Variants in LHX6 observed in about 807,000 individuals in gnomAD.
The protein encoded by LHX6 is LIM homeobox 6, also known as LIM/homeobox protein Lhx6.
A neutral mutation model predicts 47.1 loss-of-function variants in LHX6; 15 were observed. The observed-to-expected ratio is 0.32, with a 90% CI of 0.21 to 0.49. The LOEUF (loss-of-function observed/expected upper bound fraction) is 0.49. Ranked by LOEUF, LHX6 falls within the 20% of genes least tolerant of loss-of-function variation. The pLI is 0.99. For synonymous variants in LHX6, 242 were observed against 233.5 expected (o/e 1.04, Z -0.33); for missense variants, 404 against 539.6 (o/e 0.75, Z 2.49).
intron 5 of LHX6, among the ~76,000 whole-genome samples, chr9:122,215,820 C>A (rs1204297052): frequency 2.6e-5 from 4 of 152,154 alleles, no homozygotes; most frequent in Non-Finnish European, 5.9e-5. Flanking sequence ...TGACTAGTCT[C>A]CAGGCTGGGA....
chr9:122,224,767 C>A (rs558648269), intron 4 of LHX6, among the ~76,000 whole-genome samples: 1 of 152,158 alleles, frequency 6.6e-6, no homozygotes, highest in African/African-American at 2.4e-5. Context: ...CTCTTGACAC[C>A]CACACATGAA....
chr9:122,216,937 C>T (rs13301816), intron 5 of LHX6, 131 bp downstream of exon 5: 1 of 744,896 alleles, frequency 1.3e-6, no homozygotes, highest in Non-Finnish European at 2.2e-6. Flanking sequence ...CGCCCCACCC[C>T]TACGCTGCCT....
intron 1 of LHX6, chr9:122,227,765 G>C: frequency 2.1e-6 from 1 of 479,464 alleles, no homozygotes. Context: ...CCTCTGAGGG[G>C]GGAAGAAAAA....
chr9:122,217,180 C>T lies in LHX6; in HGVS notation c.570G>A (p.Ser190=). The part of the protein sequence containing the change: ...AYHLACFACF[S]CKRQLSTGEE... ...CACCAGTGGACAGCTGGCGCTTGCACGAGAAGCAGGCGAAGCAGGCCAGGT... is the reference window on the plus strand; with the variant it reads ...CACCAGTGGACAGCTGGCGCTTGCATGAGAAGCAGGCGAAGCAGGCCAGGT... Residue 190 remains serine, a synonymous_variant, in exon 5 of 10, where the codon TCG becomes TCA. Transcript: ENST00000394319. The surrounding 1 kb of genome is among the most constrained non-coding windows in gnomAD (Gnocchi z 4.9). The T allele has an allele frequency of 1.2e-6, 2 of 1,614,222 alleles. No individual in the cohort carries two copies. Among genetic ancestry groups the T allele is most frequent in the Non-Finnish European group, 1.7e-6 (2 of 1,180,030 alleles).
rs1467500441 is a variant in LHX6 at position 122,227,374 on chromosome 9, G to A, written c.156+35C>T. 2.7e-6 allele frequency: 4 copies of A among 1,485,630 alleles called. No homozygotes were observed. In the East Asian group the frequency reaches 1.1e-4, roughly 41 times the overall value. 92.0% of individuals were successfully genotyped at this position (1,485,630 alleles called of 1,614,324 possible). On this transcript the variant is annotated intron_variant, in intron 2 of 9. Transcript: ENST00000394319. ...GGTCCCCAGGGCCGGGCCGCTGGAG[G>A]ACTGGGCACCGCAGGCAGGGCCAAA...
At chr9:122,208,557 C>A (rs1256491061) in intron 9 of LHX6, among the ~76,000 whole-genome samples, 1 of 152,196 alleles carries the variant, frequency 6.6e-6, no homozygotes, top group African/African-American at 2.4e-5. Context: ...TTCGGCCGGG[C>A]ACGGTGGCTC....
At chr9:122,219,847 G>T (rs1318995640) in intron 4 of LHX6, among the ~76,000 whole-genome samples, 1 of 152,238 alleles carries the variant, frequency 6.6e-6, no homozygotes, top group Non-Finnish European at 1.5e-5. Context: ...CTGGAATCCC[G>T]CATGGATGAA....
At chr9:122,227,362 G>T (rs1401006228) in intron 2 of LHX6, 47 bp downstream of exon 2, 4 of 1,460,534 alleles carry the variant, frequency 2.7e-6, no homozygotes, top group Non-Finnish European at 2.7e-6. Flanking sequence ...CCCCAGGGCC[G>T]GGCCGCTGGA....
At chr9:122,207,937 C>T (rs891018861) in intron 9 of LHX6, among the ~76,000 whole-genome samples, 18 of 152,258 alleles carry the variant, frequency 1.2e-4, no homozygotes, top group African/African-American at 2.4e-4. Context: ...ACACCAAGAC[C>T]GGGATCTGCT....
At position 122,214,010 on chromosome 9, in the gene LHX6, C is replaced by T. The variant is rs1248408290; in HGVS notation, c.843G>A (p.Leu281=). ...TCCGGCTGAGGCCCGTCATGTCCGCCAGCTTCTGCAGCGTCTGAGCGTCGG... is the reference window on the plus strand; with the variant it reads ...TCCGGCTGAGGCCCGTCATGTCCGCTAGCTTCTGCAGCGTCTGAGCGTCGG... ...NNPDAQTLQK[L]ADMTGLSRRV... is the part of the protein sequence containing the mutation. Residue 281 remains leucine, a synonymous_variant, in exon 7 of 10, where the codon CTG becomes CTA. Transcript: ENST00000394319. The surrounding 1 kb of genome is among the most constrained non-coding windows in gnomAD (Gnocchi z 4.6). 1 of 1,602,360 alleles carries T rather than the reference C, an allele frequency of 6.2e-7. No individual in the cohort carries two copies. Among genetic ancestry groups the T allele is most frequent in the South Asian group, 1.1e-5 (1 of 91,022 alleles).
Position 122,226,285 on chromosome 9 carries a change from T to C in LHX6, c.461+91A>G. Reference sequence around the variant, plus strand: ...AAGTGCACTCGGGACGCCGGGGTTCTGGAGGAGAGACCACACGCCGCAAAA... The same window carrying C: ...AAGTGCACTCGGGACGCCGGGGTTCCGGAGGAGAGACCACACGCCGCAAAA... On this transcript the variant is annotated intron_variant, in intron 4 of 9. Coordinates refer to ENST00000394319, the MANE Select transcript of LHX6 (RefSeq NM_014368.5). The surrounding 1 kb of genome is among the most constrained non-coding windows in gnomAD (Gnocchi z 6.5). 6.7e-7 allele frequency: 1 copy of C among 1,484,580 alleles called. No homozygotes were observed. The highest frequency in any genetic ancestry group is 9.0e-7 in the Non-Finnish European group (1 of 1,107,728). 92.0% of individuals were successfully genotyped at this position (1,484,580 alleles called of 1,614,324 possible). A position where few individuals can be genotyped will look rare whatever the true frequency, so the allele number is the denominator to read the frequency against.
intron 1 of LHX6, 161 bp downstream of exon 1, chr9:122,228,496 C>CG (rs943285978): frequency 9.6e-5 from 136 of 1,420,506 alleles, no homozygotes; most frequent in Admixed American, 6.0e-5. Context: ...ACCCCCCCCC[C>CG]CCGCTCGCGC....
Position 122,202,730 on chromosome 9 carries a change from C to G in LHX6, c.*2030G>C, listed in dbSNP as rs1830035730. On this transcript the variant is annotated 3_prime_UTR_variant, in exon 10 of 10. Coordinates refer to ENST00000394319, the MANE Select transcript of LHX6 (RefSeq NM_014368.5). Reference sequence around the variant, plus strand: ...TTTTTTTTCCGTGTGTGTGTTTTCCCCTTTTTTTGTATTTAAATAAATAGT... The same window carrying G: ...TTTTTTTTCCGTGTGTGTGTTTTCCGCTTTTTTTGTATTTAAATAAATAGT... 1.3e-5 allele frequency: 2 copies of G among 152,544 alleles called. 1 individual carries two copies. The highest frequency in any genetic ancestry group is 4.1e-4 in the South Asian group (2 of 4,822). 9.4% of individuals were successfully genotyped at this position (152,544 alleles called of 1,614,324 possible).
intron 2 of LHX6, 25 bp downstream of exon 2, chr9:122,227,384 C>T (rs1446345342): frequency 1.3e-6 from 2 of 1,500,230 alleles, no homozygotes; most frequent in Admixed American, 2.2e-5. Flanking sequence ...GACTGGGCAC[C>T]GCAGGCAGGG....
intron 5 of LHX6, among the ~76,000 whole-genome samples, chr9:122,215,202 C>A (rs938840123): frequency 2.7e-4 from 41 of 152,072 alleles, no homozygotes; most frequent in African/African-American, 9.9e-4. Flanking sequence ...TTTATTGTAA[C>A]TTTTTAATTA....
Position 122,214,531 on chromosome 9 carries a change from T to A in LHX6, c.683-148A>T. On this transcript the variant is annotated intron_variant, in intron 5 of 9. Coordinates refer to ENST00000394319, the MANE Select transcript of LHX6 (RefSeq NM_014368.5). The surrounding 1 kb of genome is among the most constrained non-coding windows in gnomAD (Gnocchi z 4.6). ...GATCCCAGGGTCCTAGTCCCTGAGCTCAGTCTTTGGGGAAGGGGTTTCTGA... is the reference window on the plus strand; with the variant it reads ...GATCCCAGGGTCCTAGTCCCTGAGCACAGTCTTTGGGGAAGGGGTTTCTGA... 8.5e-7 allele frequency: 1 copy of A among 1,183,138 alleles called. No individual in the cohort carries two copies. Among genetic ancestry groups the A allele is most frequent in the Non-Finnish European group, 1.1e-6 (1 of 893,728 alleles). The allele number at this position is 1,183,138 out of a possible 1,614,324, so 73.3% of individuals were successfully genotyped here.
At position 122,208,442 on chromosome 9, in the gene LHX6, C is replaced by A. The variant is rs75059917; in HGVS notation, c.1158+1172G>T. Among the ~76,000 whole-genome samples the A allele has an allele frequency of 1.9e-3, 297 of 152,330 alleles. 1 individual carries two copies. Among genetic ancestry groups the A allele is most frequent in the African/African-American group, 6.8e-3 (283 of 41,570 alleles). On this transcript the variant is annotated intron_variant, in intron 9 of 9. Coordinates refer to ENST00000394319, the MANE Select transcript of LHX6 (RefSeq NM_014368.5). ...GGCCTCCTCAAGGGTAGGGACCACA[C>A]TTTACTTGTTTCCACTCCTAGCAAC...
rs1263246594 is a variant in LHX6 at position 122,227,424 on chromosome 9, G to C, written c.141C>G (p.Thr47=). 4 of 1,531,452 alleles carry C rather than the reference G, an allele frequency of 2.6e-6. No individual in the cohort carries two copies. Among genetic ancestry groups the C allele is most frequent in the African/African-American group, 2.8e-5 (2 of 71,802 alleles). 94.9% of individuals were successfully genotyped at this position (1,531,452 alleles called of 1,614,324 possible). ...CKATTRCLEG[T]APPAMAQSDA... ...ACGGACTCACCATGGCGGGCGGCGC[G>C]GTCCCTTCAAGACAGCGGGTGGTCG... The change falls in exon 2 of 10, where the codon ACC becomes ACG. Residue 47 remains threonine (T), a synonymous_variant. Transcript: ENST00000394319.
In LHX6 at chr9:122,214,687, C is replaced by T. The variant is rs1334627971; in HGVS notation, c.683-304G>A. On this transcript the variant is annotated intron_variant, in intron 5 of 9. Coordinates refer to ENST00000394319, the MANE Select transcript of LHX6 (RefSeq NM_014368.5). The surrounding 1 kb of genome is among the most constrained non-coding windows in gnomAD (Gnocchi z 4.6). ...AGAGAAGGAAAGCCCCTGCCCTGGC[C>T]CTTTCAACTAGAATCCGAAAGCTAG... 6.6e-6 allele frequency among the ~76,000 whole-genome samples: 1 copy of T among 152,098 alleles called. No individual in the cohort carries two copies. Among genetic ancestry groups the T allele is most frequent in the African/African-American group, 2.4e-5 (1 of 41,412 alleles).
Sources: allele counts gnomAD v4.1 joint callset (sites outside exome capture counted in the v4.1 genomes callset), GRCh38; gene constraint gnomAD v4.1.1; non-coding constraint Gnocchi (gnomAD v3.1); transcripts MANE v1.5; gene names NCBI Gene and HGNC (gene_info 2026-07-23, HGNC 2026-07-21).